ZNF592: variants seen among roughly 807,000 people sequenced by gnomAD.
The protein encoded by ZNF592 is spinocerebellar ataxia, autosomal recessive 5.
Under a neutral mutation model 80.3 loss-of-function variants are expected in ZNF592, and 11 were observed. The ratio of observed to expected loss-of-function variants is 0.14; its 90% confidence interval spans 0.09 to 0.23. The LOEUF is 0.23. Among genes scored for constraint, ZNF592 ranks in the 10% least tolerant of loss-of-function variants. The pLI, the probability that ZNF592 is intolerant of heterozygous loss-of-function variation, is 1.00. For synonymous variants in ZNF592, 646 were observed against 640.3 expected (o/e 1.01, Z -0.13); for missense variants, 1,420 against 1,633.9 (o/e 0.87, Z 2.26).
Position 84,799,274 on chromosome 15 carries a change from TG to T in ZNF592, c.3137+68del. ...CAAAAGACTCTGTCCGTGGCACCAC[TG>T]GGGCTTTTCTGTGCTGCAAGATCAG... On this transcript the variant is annotated intron_variant, in intron 9 of 10. Transcript: ENST00000560079. The surrounding 1 kb of genome is among the most constrained non-coding windows in gnomAD (Gnocchi z 4.2). The T allele has an allele frequency of 2.7e-6, 4 of 1,489,296 alleles. No individual in the cohort carries two copies. Among genetic ancestry groups the T allele is most frequent in the East Asian group, 2.3e-5 (1 of 44,294 alleles). 92.3% of individuals were successfully genotyped at this position (1,489,296 alleles called of 1,614,324 possible). A position where few individuals can be genotyped will look rare whatever the true frequency, so the allele number is the denominator to read the frequency against.
At chr15:84,800,149 G>T (rs182281653) in intron 10 of ZNF592, among the ~76,000 whole-genome samples, 172 bp downstream of exon 10, 77 of 152,306 alleles carry the variant, frequency 5.1e-4, no homozygotes, top group African/African-American at 1.7e-3. Flanking sequence ...ACAAGTAGGG[G>T]ATAAGGACAA....
intron 2 of ZNF592, among the ~76,000 whole-genome samples, chr15:84,768,266 T>C (rs1899596176): frequency 1.4e-5 from 2 of 147,720 alleles, no homozygotes; most frequent in Non-Finnish European, 3.0e-5. Context: ...AGTTGTGCTC[T>C]GTCGCCCAGG....
intron 4 of ZNF592, among the ~76,000 whole-genome samples, chr15:84,785,757 C>G (rs1232432655): frequency 1.3e-5 from 2 of 151,904 alleles, no homozygotes; most frequent in Non-Finnish European, 2.9e-5. Flanking sequence ...GGGCCTGTGG[C>G]AGAGGTTTAT....
In ZNF592 at chr15:84,782,872, T is replaced by C; in HGVS notation, c.197T>C (p.Val66Ala). 6 of 1,614,098 alleles carry C rather than the reference T, an allele frequency of 3.7e-6. No individual in the cohort carries two copies. Among genetic ancestry groups the C allele is most frequent in the Non-Finnish European group, 5.1e-6 (6 of 1,180,014 alleles). ...GGATCAGCCCCCGATGTGCCGGCCG[T>C]GAGTGTCATTGTCAAGAACACCAGC... Reference protein sequence around the residue: ...HSGSAPDVPAVSVIVKNTSRQ... With the variant: ...HSGSAPDVPAASVIVKNTSRQ... The change falls in exon 4 of 11, where the codon GTG (valine) becomes GCG (alanine). Residue 66 changes from valine to alanine, a missense_variant. Val to Ala is a moderately conservative substitution (Grantham distance 64). Transcript: ENST00000560079.
In ZNF592 at chr15:84,794,600, C is replaced by T. The variant is rs576538670; in HGVS notation, c.2400-3269C>T. On this transcript the variant is annotated intron_variant, in intron 5 of 10. Coordinates refer to ENST00000560079, the MANE Select transcript of ZNF592 (RefSeq NM_014630.3). ...CAAGCACTTCTCCCACCTCAGCCTC[C>T]TGAATAGCTGGGATTACAGACGCCC... 2.0e-5 allele frequency among the ~76,000 whole-genome samples: 3 copies of T among 152,212 alleles called. No homozygotes were observed. The East Asian group carries it at 5.8e-4, about 29-fold the overall frequency.
chr15:84,803,829 G>A lies in ZNF592; in HGVS notation c.*1436G>A, dbSNP rs1005196209. On this transcript the variant is annotated 3_prime_UTR_variant, in exon 11 of 11. Coordinates refer to ENST00000560079, the MANE Select transcript of ZNF592 (RefSeq NM_014630.3). ...GTGGAGTCAGGGCCCACCCAAGCAC[G>A]AGGAGCAGGCTGTGTGGAGGTGTCG... 2 of 152,240 alleles carry A rather than the reference G, an allele frequency of 1.3e-5. No homozygotes were observed. The highest frequency in any genetic ancestry group is 2.9e-5 in the Non-Finnish European group (2 of 68,074). The allele number at this position is 152,240 out of a possible 1,614,324, so 9.4% of individuals were successfully genotyped here.
chr15:84,768,385 GCAC>G, intron 2 of ZNF592, among the ~76,000 whole-genome samples: 1 of 151,592 alleles, frequency 6.6e-6, no homozygotes, highest in East Asian at 1.9e-4. Context: ...TTACAGGTGT[GCAC>G]CACCACACCT....
intron 2 of ZNF592, among the ~76,000 whole-genome samples, chr15:84,766,266 A>C (rs1899516281): frequency 6.6e-6 from 1 of 152,184 alleles, no homozygotes. Context: ...CAAATGTCAC[A>C]TCATTTTATC....
intron 2 of ZNF592, among the ~76,000 whole-genome samples, chr15:84,772,373 A>C (rs1261891169): frequency 1.3e-5 from 2 of 152,154 alleles, no homozygotes; most frequent in East Asian, 3.9e-4. Context: ...TAACATAGGG[A>C]GACCCTGTCT....
At position 84,803,582 on chromosome 15, in the gene ZNF592, C is replaced by T. The variant is rs983346694; in HGVS notation, c.*1189C>T. 2.0e-5 allele frequency: 3 copies of T among 152,128 alleles called. No individual in the cohort carries two copies. The highest frequency in any genetic ancestry group is 7.2e-5 in the African/African-American group (3 of 41,418). The allele number at this position is 152,128 out of a possible 1,614,324, so 9.4% of individuals were successfully genotyped here. On this transcript the variant is annotated 3_prime_UTR_variant, in exon 11 of 11. Coordinates refer to ENST00000560079, the MANE Select transcript of ZNF592 (RefSeq NM_014630.3). ...TAGTGACATTGGCTTTAGGGCGTATCGAAATTTTCTAGGCACCTTCATCTT... is the reference window on the plus strand; with the variant it reads ...TAGTGACATTGGCTTTAGGGCGTATTGAAATTTTCTAGGCACCTTCATCTT...
chr15:84,763,002 C>G (rs1899396826), intron 1 of ZNF592, among the ~76,000 whole-genome samples: 1 of 152,174 alleles, frequency 6.6e-6, no homozygotes, highest in Non-Finnish European at 1.5e-5. Context: ...ATGGCAAGGG[C>G]TGTGGTGAAT....
At chr15:84,776,613 G>A (rs1335480641) in intron 2 of ZNF592, among the ~76,000 whole-genome samples, 2 of 152,134 alleles carry the variant, frequency 1.3e-5, no homozygotes, top group African/African-American at 2.4e-5. Context: ...AAAATTAGCC[G>A]GGCATGGTGG....
At chr15:84,792,488 T>G (rs932068958) in intron 5 of ZNF592, among the ~76,000 whole-genome samples, 1 of 152,206 alleles carries the variant, frequency 6.6e-6, no homozygotes, top group Non-Finnish European at 1.5e-5. Flanking sequence ...TGTCTCACTG[T>G]CACCCAGGCT....
At chr15:84,752,848 C>T (rs998248394) in intron 1 of ZNF592, among the ~76,000 whole-genome samples, 4 of 152,138 alleles carry the variant, frequency 2.6e-5, no homozygotes, top group Non-Finnish European at 5.9e-5. Context: ...GAGACTGACT[C>T]ACTAACCAAA....
rs1962319528 is a variant in ZNF592 at position 84,778,238 on chromosome 15, C to T, written c.-94C>T. ...GGAGAAGACAGAAGGAAGACGCTCC[C>T]CCGTACGGAGACAGAGGGAGGGGGG... On this transcript the variant is annotated 5_prime_UTR_variant, in exon 3 of 11. Transcript: ENST00000560079. The T allele has an allele frequency of 1.2e-5, 3 of 245,916 alleles. No individual in the cohort carries two copies. In the South Asian group the frequency reaches 1.2e-4, roughly 10 times the overall value. The allele number at this position is 245,916 out of a possible 1,614,324, so 15.2% of individuals were successfully genotyped here.
intron 2 of ZNF592, among the ~76,000 whole-genome samples, chr15:84,766,536 G>T (rs902686584): frequency 1.3e-5 from 2 of 152,026 alleles, no homozygotes; most frequent in African/African-American, 2.4e-5. Context: ...CCAGATCTCT[G>T]TTGAGAGGGG....
In ZNF592 at chr15:84,781,340, G is replaced by A. The variant is rs148103702; in HGVS notation, c.-19-1317G>A. Among the ~76,000 whole-genome samples the A allele has an allele frequency of 5.5e-4, 84 of 151,666 alleles. 1 individual carries two copies. In the East Asian group the frequency reaches 0.016, roughly 28 times the overall value. Reference sequence around the variant, plus strand: ...TGGGATTATAGGCAAGAGCCACTGCGACGGGCCCTTAATGAGAATTTTTAA... The same window carrying A: ...TGGGATTATAGGCAAGAGCCACTGCAACGGGCCCTTAATGAGAATTTTTAA... On this transcript the variant is annotated intron_variant, in intron 3 of 10. Transcript: ENST00000560079.
chr15:84,749,119 G>A (rs1302415391), intron 1 of ZNF592, among the ~76,000 whole-genome samples: 2 of 152,210 alleles, frequency 1.3e-5, no homozygotes, highest in Non-Finnish European at 2.9e-5. Context: ...TTCGGGGAAC[G>A]ACCCTCTTTG....
chr15:84,749,403 G>A (rs548438789), intron 1 of ZNF592, among the ~76,000 whole-genome samples: 1 of 152,188 alleles, frequency 6.6e-6, no homozygotes, highest in Non-Finnish European at 1.5e-5. Flanking sequence ...GGAGGGGTCC[G>A]TATGACCTTA....
Sources: allele counts gnomAD v4.1 joint callset (sites outside exome capture counted in the v4.1 genomes callset), GRCh38; gene constraint gnomAD v4.1.1; non-coding constraint Gnocchi (gnomAD v3.1); transcripts MANE v1.5; gene names NCBI Gene and HGNC (gene_info 2026-07-23, HGNC 2026-07-21).